Variants in MBD2 observed in about 807,000 individuals in gnomAD.
MBD2 encodes the protein methyl-CpG binding domain protein 2.
In MBD2, 9 loss-of-function variants were observed where a neutral mutation model predicts 39.3. That is an observed-to-expected ratio of 0.23 (90% CI 0.14 to 0.40). MBD2 has a LOEUF of 0.40. MBD2 is among the 10% of genes least tolerant of loss of function. MBD2 has a pLI of 1.00. For missense variants in MBD2, 458 were observed against 532.6 expected, an observed-to-expected ratio of 0.86 and a Z score of 1.38; for synonymous variants, 233 against 211.1, an observed-to-expected ratio of 1.10 and a Z score of -0.90.
chr18:54,164,430 A>G, intron 5 of MBD2, 93 bp downstream of exon 5: 1 of 1,086,780 alleles, frequency 9.2e-7, no homozygotes, highest in South Asian at 1.6e-5. Context: ...GTGATATATC[A>G]CTTACTAGAT....
At chr18:54,222,256 A>C in intron 1 of MBD2, 1 of 441,786 alleles carries the variant, frequency 2.3e-6, no homozygotes, top group East Asian at 5.9e-5. Flanking sequence ...TTTTTTAACC[A>C]CAATAACCTT....
intron 2 of MBD2, among the ~76,000 whole-genome samples, chr18:54,196,075 C>T (rs1156538421): frequency 6.6e-6 from 1 of 152,148 alleles, no homozygotes; most frequent in Non-Finnish European, 1.5e-5. Flanking sequence ...ATTCACATAC[C>T]ACAAAACTCA....
chr18:54,204,085 C>T (rs2144329918), intron 2 of MBD2, among the ~76,000 whole-genome samples: 1 of 152,258 alleles, frequency 6.6e-6, no homozygotes, highest in South Asian at 2.1e-4. Context: ...ACTACACTGC[C>T]ACTGGGTTCC....
At chr18:54,192,835 A>G (rs2086331602) in intron 2 of MBD2, among the ~76,000 whole-genome samples, 1 of 152,192 alleles carries the variant, frequency 6.6e-6, no homozygotes, top group East Asian at 1.9e-4. Flanking sequence ...AAAAAATTAA[A>G]AGAAAAGCCT....
chr18:54,174,051 G>C (rs1298718041), intron 3 of MBD2, among the ~76,000 whole-genome samples: 1 of 152,146 alleles, frequency 6.6e-6, no homozygotes, highest in Non-Finnish European at 1.5e-5. Context: ...AATCAAAAAA[G>C]GCAAAAACAA....
At chr18:54,189,223 C>CT (rs369129707) in intron 2 of MBD2, among the ~76,000 whole-genome samples, 41,825 of 133,874 alleles carry the variant, frequency 0.31, 7,676 homozygotes, top group East Asian at 0.42. Flanking sequence ...TTTTTGTATA[C>CT]TTTTTTTTTT....
chr18:54,192,989 T>C (rs1284928648), intron 2 of MBD2, among the ~76,000 whole-genome samples: 1 of 152,240 alleles, frequency 6.6e-6, no homozygotes. Flanking sequence ...TTTTTTCTCC[T>C]TTTAACTGGC....
chr18:54,156,259 C>T (rs1316913701), intron 6 of MBD2, among the ~76,000 whole-genome samples: 1 of 152,182 alleles, frequency 6.6e-6, no homozygotes, highest in Non-Finnish European at 1.5e-5. Context: ...ACATCTAAAT[C>T]TTCCGCAATC....
intron 3 of MBD2, among the ~76,000 whole-genome samples, chr18:54,180,065 T>C (rs556960955): frequency 2.6e-5 from 4 of 152,154 alleles, no homozygotes; most frequent in East Asian, 1.9e-4. Flanking sequence ...AATCAATTCA[T>C]TTCTAATATT....
At chr18:54,184,471 C>T (rs2086271115) in intron 3 of MBD2, among the ~76,000 whole-genome samples, 1 of 152,120 alleles carries the variant, frequency 6.6e-6, no homozygotes, top group Non-Finnish European at 1.5e-5. Flanking sequence ...CAAACCAGTC[C>T]CTGATGCCAA....
rs1036215569 is a variant in MBD2, at chr18:54,152,103, C to T, written c.*3221G>A. 2 of 152,162 alleles carry T rather than the reference C, an allele frequency of 1.3e-5. No individual in the cohort carries two copies. The highest frequency in any genetic ancestry group is 2.9e-5 in the Non-Finnish European group (2 of 68,038). The allele number at this position is 152,162 out of a possible 1,614,324, so 9.4% of individuals were successfully genotyped here. A position where few individuals can be genotyped will look rare whatever the true frequency, so the allele number is the denominator to read the frequency against. On this transcript the variant is annotated 3_prime_UTR_variant, in exon 7 of 7. Coordinates refer to ENST00000256429, the MANE Select transcript of MBD2 (RefSeq NM_003927.5). ...AATTACAATACAATACAATAAAGTG[C>T]TTCCATGGAGGTATTTACAAAGTGC...
At chr18:54,197,865 G>A (rs1187213504) in intron 2 of MBD2, among the ~76,000 whole-genome samples, 1 of 152,158 alleles carries the variant, frequency 6.6e-6, no homozygotes, top group Non-Finnish European at 1.5e-5. Context: ...CTTATCCCTT[G>A]GAGGGACTTT....
At chr18:54,216,685 G>A (rs1488822783) in intron 1 of MBD2, among the ~76,000 whole-genome samples, 2 of 152,026 alleles carry the variant, frequency 1.3e-5, no homozygotes, top group Non-Finnish European at 2.9e-5. Flanking sequence ...TTAAGGACAC[G>A]CATCCTTGCT....
chr18:54,211,792 CTT>C (rs2086509827), intron 1 of MBD2, among the ~76,000 whole-genome samples: 1 of 152,152 alleles, frequency 6.6e-6, no homozygotes, highest in African/African-American at 2.4e-5. Flanking sequence ...TTTCAGTGGA[CTT>C]TTACCCCATA....
At chr18:54,169,979 G>A (rs2086168483) in intron 3 of MBD2, among the ~76,000 whole-genome samples, 1 of 152,172 alleles carries the variant, frequency 6.6e-6, no homozygotes, top group Admixed American at 6.6e-5. Flanking sequence ...TAACACTAAT[G>A]GTCTGGGCAA....
intron 3 of MBD2, among the ~76,000 whole-genome samples, chr18:54,184,426 G>A (rs767290999): frequency 3.3e-5 from 5 of 152,066 alleles, no homozygotes; most frequent in African/African-American, 4.8e-5. Context: ...CATCCCCCTC[G>A]CCCTCACCTG....
In MBD2 at chr18:54,221,179, C is replaced by T. The variant is rs147898039; in HGVS notation, c.542+2839G>A. Among the ~76,000 whole-genome samples the T allele has an allele frequency of 1.0e-3, 154 of 152,314 alleles. 2 individuals are homozygous for T. The highest frequency in any genetic ancestry group is 3.3e-3 in the Admixed American group (50 of 15,284). On this transcript the variant is annotated intron_variant, in intron 1 of 6. Coordinates refer to ENST00000256429, the MANE Select transcript of MBD2 (RefSeq NM_003927.5). ...TGTTTTAAATTGATCATATCGGGGC[C>T]GGGCGCGATGGCTCACACCTGTAAT...
At chr18:54,213,147 A>G (rs2086524109) in intron 1 of MBD2, among the ~76,000 whole-genome samples, 1 of 151,912 alleles carries the variant, frequency 6.6e-6, no homozygotes, top group Admixed American at 6.6e-5. Context: ...TACTATAGCT[A>G]ATAGTATTAT....
At chr18:54,191,290 ATGC>A (rs1568086165) in intron 2 of MBD2, among the ~76,000 whole-genome samples, 2 of 152,206 alleles carry the variant, frequency 1.3e-5, no homozygotes, top group Non-Finnish European at 2.9e-5. Context: ...GGTGATATTG[ATGC>A]TGCTAATCCT....
Sources: allele counts gnomAD v4.1 joint callset (sites outside exome capture counted in the v4.1 genomes callset), GRCh38; gene constraint gnomAD v4.1.1; transcripts MANE v1.5; gene names NCBI Gene and HGNC (gene_info 2026-07-23, HGNC 2026-07-21).